OR2L13: variants seen among roughly 807,000 people sequenced by gnomAD.
The protein encoded by OR2L13 is olfactory receptor 2L13.
In OR2L13, 14 loss-of-function variants were observed where a neutral mutation model predicts 15.3. The ratio of observed to expected loss-of-function variants is 0.91; its 90% confidence interval spans 0.60 to 1.43. OR2L13 has a LOEUF of 1.43. Ranked by LOEUF, OR2L13 falls within the 40% of genes most tolerant of loss-of-function variation. The pLI, the probability that OR2L13 is intolerant of heterozygous loss-of-function variation, is 0.00. For synonymous variants in OR2L13, 152 were observed against 142.9 expected, an observed-to-expected ratio of 1.06 and a Z score of -0.45; for missense variants, 367 against 387.9, an observed-to-expected ratio of 0.95 and a Z score of 0.45.
chr1:248,008,227 C>T, the OR2L13 span, among the ~76,000 whole-genome samples: 1 of 152,160 alleles, frequency 6.6e-6, no homozygotes, highest in Admixed American at 6.6e-5. Context: ...TTATTTTCCA[C>T]TAGCTTTACA....
At chr1:247,971,536 A>G in the OR2L13 span, among the ~76,000 whole-genome samples, 1 of 152,206 alleles carries the variant, frequency 6.6e-6, no homozygotes, top group African/African-American at 2.4e-5. Flanking sequence ...TCTTTCAGAC[A>G]CATTAAGTGA....
chr1:248,067,481 T>A, the OR2L13 span, among the ~76,000 whole-genome samples: 4 of 152,242 alleles, frequency 2.6e-5, no homozygotes, highest in African/African-American at 9.6e-5. Flanking sequence ...TAGATTAATT[T>A]TCTTTAATAG....
At chr1:247,988,136 G>T in the OR2L13 span, among the ~76,000 whole-genome samples, 1 of 151,752 alleles carries the variant, frequency 6.6e-6, no homozygotes, top group African/African-American at 2.4e-5. Flanking sequence ...TCAGTTCTGA[G>T]AATTTTTTTT....
the OR2L13 span, among the ~76,000 whole-genome samples, chr1:247,964,260 G>C: frequency 1.3e-5 from 2 of 152,052 alleles, no homozygotes; most frequent in Non-Finnish European, 2.9e-5. Context: ...AGTGTGTTTA[G>C]CCATATCAGG....
chr1:247,977,329 T>A, the OR2L13 span, among the ~76,000 whole-genome samples: 4 of 152,220 alleles, frequency 2.6e-5, no homozygotes, highest in Non-Finnish European at 5.9e-5. Context: ...ATCTAGAGCA[T>A]GATTTGTGGG....
chr1:248,015,495 A>G, the OR2L13 span, among the ~76,000 whole-genome samples: 1 of 152,164 alleles, frequency 6.6e-6, no homozygotes, highest in African/African-American at 2.4e-5. Flanking sequence ...CTGACTTACG[A>G]AGTCAATGAC....
chr1:248,056,633 G>T, the OR2L13 span, among the ~76,000 whole-genome samples: 1 of 147,242 alleles, frequency 6.8e-6, no homozygotes, highest in African/African-American at 2.5e-5. Context: ...TCAGGAGCAG[G>T]TTGTTCTATT....
the OR2L13 span, among the ~76,000 whole-genome samples, chr1:248,070,359 C>A: frequency 1.3e-5 from 2 of 151,758 alleles, no homozygotes; most frequent in South Asian, 2.1e-4. Flanking sequence ...ACTGAACAAC[C>A]TGCTCCTGAA....
chr1:247,961,239 G>A, the OR2L13 span, among the ~76,000 whole-genome samples: 3 of 152,204 alleles, frequency 2.0e-5, no homozygotes, highest in Non-Finnish European at 2.9e-5. Flanking sequence ...ACATCACCAG[G>A]ACACAGACAG....
the OR2L13 span, chr1:248,003,414 G>T: frequency 1.9e-6 from 3 of 1,609,568 alleles, no homozygotes; most frequent in African/African-American, 4.0e-5. Context: ...TCCTTCACTG[G>T]GTGTGGGATT....
At chr1:248,093,273 C>A (rs376452577), upstream of OR2L13, among the ~76,000 whole-genome samples, 1 of 152,070 alleles carries the variant, frequency 6.6e-6, no homozygotes, top group Non-Finnish European at 1.5e-5. Flanking sequence ...CATACTGTGA[C>A]GTGGCAAAAG....
At chr1:248,084,888 T>C in the OR2L13 span, among the ~76,000 whole-genome samples, 1 of 152,188 alleles carries the variant, frequency 6.6e-6, no homozygotes, top group Non-Finnish European at 1.5e-5. Flanking sequence ...CTGTGACTAA[T>C]AACACTTCAT....
chr1:248,003,933 C>T, the OR2L13 span: 2 of 1,612,988 alleles, frequency 1.2e-6, no homozygotes, highest in Non-Finnish European at 1.7e-6. Flanking sequence ...TAATCTCCAA[C>T]AGAGGACAAG....
At chr1:248,000,497 G>C in the OR2L13 span, among the ~76,000 whole-genome samples, 1 of 152,116 alleles carries the variant, frequency 6.6e-6, no homozygotes, top group African/African-American at 2.4e-5. Context: ...TAAATTGAAG[G>C]ATAGGAAAGA....
exon 3 of OR2L13, chr1:248,099,707 G>T (rs752563868): frequency 1.2e-6 from 2 of 1,613,886 alleles, no homozygotes; most frequent in Non-Finnish European, 1.7e-6. Flanking sequence ...TGTTCTGAAG[G>T]CTTACTCCTG....
the OR2L13 span, among the ~76,000 whole-genome samples, chr1:247,959,945 C>CAA: frequency 0.8 from 121,290 of 151,930 alleles, 52,604 homozygotes; most frequent in South Asian, 0.95. Flanking sequence ...CTCAACTCGT[C>CAA]AGTCATTCTC....
chr1:248,009,535 C>G, the OR2L13 span, among the ~76,000 whole-genome samples: 4 of 152,018 alleles, frequency 2.6e-5, no homozygotes, highest in Admixed American at 2.0e-4. Flanking sequence ...TAATTAATAG[C>G]CTTATAACCA....
At chr1:247,960,575 C>T in the OR2L13 span, among the ~76,000 whole-genome samples, 105 of 152,310 alleles carry the variant, frequency 6.9e-4, 2 homozygotes, top group Middle Eastern at 0.024. Context: ...CCTTGAGCTG[C>T]GGTGGGCTGC....
At chr1:247,990,517 T>C in the OR2L13 span, 1 of 1,576,724 alleles carries the variant, frequency 6.3e-7, no homozygotes. Context: ...GTTTATGATT[T>C]TTCTGTATGG....
Sources: gnomAD v4.1 joint callset for allele counts (sites outside exome capture counted in the v4.1 genomes callset) on GRCh38, gnomAD v4.1.1 for gene constraint, MANE v1.5 for transcripts, NCBI Gene and HGNC (gene_info 2026-07-23, HGNC 2026-07-21) for gene names.